The following FGF14 variants were observed in gnomAD, a reference collection of about 807,000 sequenced individuals.
The protein encoded by FGF14 is fibroblast growth factor homologous factor 4.
FGF14 carries 5 observed loss-of-function variants against 25.5 expected under a neutral mutation model. That is an observed-to-expected ratio of 0.20 (90% CI 0.10 to 0.41). The LOEUF (loss-of-function observed/expected upper bound fraction) is 0.41. FGF14 is among the 10% of genes least tolerant of loss of function. The probability of loss-of-function intolerance (pLI) is 1.00; values close to 1 mark genes in which losing one functional copy is unlikely to be tolerated. For missense variants in FGF14, 222 were observed against 320.1 expected (o/e 0.69, Z 2.34); for synonymous variants, 138 against 118.3 (o/e 1.17, Z -1.08).
chr13:101,973,303 T>G (rs1212525090), intron 1 of FGF14, among the ~76,000 whole-genome samples: 1 of 152,136 alleles, frequency 6.6e-6, no homozygotes, highest in Non-Finnish European at 1.5e-5. Context: ...ATATATCCAT[T>G]CTTTCAAAGG....
chr13:102,276,627 TGTAA>T (rs2053565116), intron 1 of FGF14, among the ~76,000 whole-genome samples: 1 of 152,010 alleles, frequency 6.6e-6, no homozygotes, highest in Admixed American at 6.6e-5. Context: ...CTACAAAACA[TGTAA>T]GTGTCACGGT....
At position 101,713,695 on chromosome 13, in the gene FGF14, A is replaced by G. The variant is rs1422471899; in HGVS notation, c.*9136T>C. The G allele has an allele frequency of 6.6e-6, 1 of 152,164 alleles. No individual in the cohort carries two copies. The highest frequency in any genetic ancestry group is 1.5e-5 in the Non-Finnish European group (1 of 68,030). The allele number at this position is 152,164 out of a possible 1,614,324, so 9.4% of individuals were successfully genotyped here. On this transcript the variant is annotated 3_prime_UTR_variant, in exon 5 of 5. Coordinates refer to ENST00000376143, the MANE Select transcript of FGF14 (RefSeq NM_004115.4). Reference sequence around the variant, plus strand: ...TATTTTCTTTTATTTTAAATATATCATTAATAAAATTTTTACTCAGTAAGT... The same window carrying G: ...TATTTTCTTTTATTTTAAATATATCGTTAATAAAATTTTTACTCAGTAAGT...
chr13:101,763,763 A>G (rs1594164420), intron 3 of FGF14, among the ~76,000 whole-genome samples: 1 of 152,106 alleles, frequency 6.6e-6, no homozygotes, highest in African/African-American at 2.4e-5. Context: ...GGGAGGCTGA[A>G]GCAGGAGAAT....
intron 1 of FGF14, among the ~76,000 whole-genome samples, chr13:102,260,711 G>A (rs2052676288): frequency 6.6e-6 from 1 of 152,212 alleles, no homozygotes; most frequent in African/African-American, 2.4e-5. Flanking sequence ...TTCTGTAAAT[G>A]GACTGAGTGT....
At chr13:101,727,023 C>A (rs1287253819) in intron 3 of FGF14, among the ~76,000 whole-genome samples, 1 of 151,902 alleles carries the variant, frequency 6.6e-6, no homozygotes, top group Non-Finnish European at 1.5e-5. Flanking sequence ...TATATAGAAG[C>A]AAAAGTATAT....
At chr13:101,990,464 CT>C (rs575754557) in intron 1 of FGF14, among the ~76,000 whole-genome samples, 15 of 152,094 alleles carry the variant, frequency 9.9e-5, no homozygotes, top group East Asian at 1.9e-4. Context: ...TTACTCAACA[CT>C]TTTTTTTCTA....
chr13:101,964,546 C>T (rs2037066368), intron 1 of FGF14, among the ~76,000 whole-genome samples: 1 of 152,092 alleles, frequency 6.6e-6, no homozygotes, highest in African/African-American at 2.4e-5. Context: ...TATCACACAA[C>T]ATGAACAAAG....
chr13:101,766,239 A>G (rs911861734), intron 3 of FGF14, among the ~76,000 whole-genome samples: 1 of 152,210 alleles, frequency 6.6e-6, no homozygotes, highest in African/African-American at 2.4e-5. Context: ...GCATAGTTCC[A>G]TCAAGTCAAG....
intron 1 of FGF14, among the ~76,000 whole-genome samples, chr13:101,901,415 G>A (rs2031529413): frequency 6.6e-6 from 1 of 152,000 alleles, no homozygotes. Flanking sequence ...TCAAAATGGG[G>A]AATTCAGATG....
chr13:101,967,658 T>G (rs1321286558), intron 1 of FGF14: 1 of 153,880 alleles, frequency 6.5e-6, no homozygotes, highest in Non-Finnish European at 1.5e-5. Context: ...GAATTATTCA[T>G]GCATCTGTGC....
At chr13:101,881,664 C>T (rs1321007572) in intron 1 of FGF14, among the ~76,000 whole-genome samples, 1 of 152,110 alleles carries the variant, frequency 6.6e-6, no homozygotes, top group Non-Finnish European at 1.5e-5. Flanking sequence ...AAAAGCTTTC[C>T]TGATTCTATA....
intron 3 of FGF14, among the ~76,000 whole-genome samples, chr13:101,790,793 T>A (rs2040191755): frequency 6.6e-6 from 1 of 152,160 alleles, no homozygotes. Context: ...TGATGCAACT[T>A]GATCTTGGAT....
intron 1 of FGF14, among the ~76,000 whole-genome samples, chr13:102,115,479 T>C (rs2045426339): frequency 6.6e-6 from 1 of 152,240 alleles, no homozygotes; most frequent in Non-Finnish European, 1.5e-5. Flanking sequence ...TGATTAGTGA[T>C]GATGAGCATT....
chr13:101,809,685 G>C (rs1162027130), intron 3 of FGF14, among the ~76,000 whole-genome samples: 1 of 152,092 alleles, frequency 6.6e-6, no homozygotes, highest in African/African-American at 2.4e-5. Flanking sequence ...TAATATAACA[G>C]AGCATGAAAT....
intron 1 of FGF14, among the ~76,000 whole-genome samples, chr13:102,353,206 A>G (rs1212955180): frequency 3.3e-5 from 5 of 152,248 alleles, no homozygotes; most frequent in African/African-American, 1.2e-4. Context: ...TAAAGAAAAT[A>G]CAGTTTGCTA....
intron 1 of FGF14, among the ~76,000 whole-genome samples, chr13:102,037,905 A>G (rs766165039): frequency 9.9e-5 from 15 of 152,058 alleles, no homozygotes; most frequent in Non-Finnish European, 1.9e-4. Flanking sequence ...CAAATATCTC[A>G]AACTCCATGT....
chr13:101,724,597 A>AATTATAT (rs1555370377), intron 4 of FGF14, among the ~76,000 whole-genome samples: 2 of 121,286 alleles, frequency 1.6e-5, no homozygotes, highest in Non-Finnish European at 3.5e-5. Flanking sequence ...ATAATAATAA[A>AATTATAT]ATATATATAT....
chr13:101,923,751 T>A (rs2034169650), intron 1 of FGF14, among the ~76,000 whole-genome samples: 1 of 152,086 alleles, frequency 6.6e-6, no homozygotes, highest in South Asian at 2.1e-4. Flanking sequence ...AGGCAACAGA[T>A]TTCTATCTAT....
intron 1 of FGF14, among the ~76,000 whole-genome samples, chr13:101,891,474 A>G (rs1359956447): frequency 2.0e-5 from 3 of 152,188 alleles, no homozygotes; most frequent in Non-Finnish European, 4.4e-5. Flanking sequence ...TCTGCTCTGT[A>G]TCTTCCCATA....
Sources: gnomAD v4.1 joint callset for allele counts (sites outside exome capture counted in the v4.1 genomes callset) on GRCh38, gnomAD v4.1.1 for gene constraint, MANE v1.5 for transcripts, NCBI Gene and HGNC (gene_info 2026-07-23, HGNC 2026-07-21) for gene names.